The following DPP10 variants were observed in gnomAD, a reference collection of about 807,000 sequenced individuals.
The protein encoded by DPP10 is dipeptidyl peptidase like 10.
A neutral mutation model predicts 120.9 loss-of-function variants in DPP10; 33 were observed. The ratio of observed to expected loss-of-function variants is 0.27; its 90% CI spans 0.21 to 0.37. DPP10 has a LOEUF of 0.37. Ranked by LOEUF, DPP10 falls within the 10% of genes least tolerant of loss-of-function variation. DPP10 has a pLI of 1.00. For missense variants in DPP10, 816 were observed against 942.8 expected, an observed-to-expected ratio of 0.87 and a Z score of 1.76; for synonymous variants, 337 against 326.1, an observed-to-expected ratio of 1.03 and a Z score of -0.36.
intron 2 of DPP10, among the ~76,000 whole-genome samples, chr2:115,314,225 A>C (rs2061693527): frequency 6.6e-6 from 1 of 152,198 alleles, no homozygotes; most frequent in Non-Finnish European, 1.5e-5. Flanking sequence ...TGCCATACTG[A>C]AATAGCCACC....
intron 1 of DPP10, among the ~76,000 whole-genome samples, chr2:114,582,117 T>TC (rs1690576005): frequency 6.6e-6 from 1 of 152,200 alleles, no homozygotes; most frequent in Non-Finnish European, 1.5e-5. Flanking sequence ...TGCCTATTTA[T>TC]CCCTCCTTAC....
intron 7 of DPP10, among the ~76,000 whole-genome samples, chr2:115,721,445 T>G (rs1410095505): frequency 1.3e-5 from 2 of 152,154 alleles, no homozygotes; most frequent in African/African-American, 4.8e-5. Context: ...ATCACAAAAA[T>G]TAATGTTGGT....
chr2:114,986,580 C>A (rs1201723212), intron 1 of DPP10, among the ~76,000 whole-genome samples: 1 of 151,984 alleles, frequency 6.6e-6, no homozygotes, highest in Non-Finnish European at 1.5e-5. Context: ...ATCTGAAGGT[C>A]CATTTATTTA....
intron 7 of DPP10, among the ~76,000 whole-genome samples, chr2:115,715,169 G>A (rs2092450059): frequency 6.6e-6 from 1 of 151,410 alleles, no homozygotes; most frequent in Non-Finnish European, 1.5e-5. Context: ...GAGAAACTCT[G>A]TCTCTACTAA....
intron 19 of DPP10, among the ~76,000 whole-genome samples, chr2:115,794,746 A>G (rs77594268): frequency 3.3e-5 from 5 of 152,152 alleles, no homozygotes; most frequent in Admixed American, 6.6e-5. Flanking sequence ...CATTATAGGG[A>G]GCCCTTAAGG....
chr2:114,563,156 A>G (rs1835330), intron 1 of DPP10, among the ~76,000 whole-genome samples: 45,446 of 152,080 alleles, frequency 0.3, 8,499 homozygotes, highest in African/African-American at 0.54. Flanking sequence ...GGCGGATCAT[A>G]AGGTCAAGAG....
intron 6 of DPP10, 47 bp from the exon 7 acceptor site, chr2:115,689,793 G>A (rs572778808): frequency 1.2e-6 from 2 of 1,609,990 alleles, no homozygotes; most frequent in Non-Finnish European, 8.5e-7. Context: ...TAAATTGTTG[G>A]TGTAGATATC....
At chr2:114,802,030 T>A (rs1684298026) in intron 1 of DPP10, among the ~76,000 whole-genome samples, 1 of 152,256 alleles carries the variant, frequency 6.6e-6, no homozygotes, top group Non-Finnish European at 1.5e-5. Context: ...ATTATTAATA[T>A]GGCATTAGAC....
At chr2:115,716,388 G>A (rs2092494317) in intron 7 of DPP10, among the ~76,000 whole-genome samples, 1 of 152,192 alleles carries the variant, frequency 6.6e-6, no homozygotes, top group African/African-American at 2.4e-5. Context: ...TAGGTAGTAT[G>A]TAGTTGTATC....
chr2:114,979,492 T>C (rs958576601), intron 1 of DPP10, among the ~76,000 whole-genome samples: 4 of 151,998 alleles, frequency 2.6e-5, no homozygotes, highest in Non-Finnish European at 5.9e-5. Flanking sequence ...TTGTACTCAG[T>C]TATCTTAAAT....
At chr2:115,468,795 C>T (rs575484009) in intron 3 of DPP10, 6 of 459,714 alleles carry the variant, frequency 1.3e-5, no homozygotes, top group East Asian at 1.1e-4. Context: ...GCAGACTGGT[C>T]TCAAGGTGTG....
chr2:114,802,629 A>G (rs1264517175), intron 1 of DPP10, among the ~76,000 whole-genome samples: 1 of 152,156 alleles, frequency 6.6e-6, no homozygotes. Flanking sequence ...TTTTAGATCA[A>G]CGAGCTCTCA....
chr2:114,982,137 C>T (rs1445039986), intron 1 of DPP10, among the ~76,000 whole-genome samples: 1 of 151,946 alleles, frequency 6.6e-6, no homozygotes, highest in Non-Finnish European at 1.5e-5. Flanking sequence ...CTCAAGTGAT[C>T]CTGTTCTGTC....
At chr2:115,325,125 G>A (rs2062283274) in intron 2 of DPP10, among the ~76,000 whole-genome samples, 1 of 152,092 alleles carries the variant, frequency 6.6e-6, no homozygotes, top group East Asian at 1.9e-4. Context: ...TTGACACAGA[G>A]ACATGAAGTG....
intron 1 of DPP10, among the ~76,000 whole-genome samples, chr2:114,985,033 A>G (rs1027097386): frequency 6.6e-6 from 1 of 152,210 alleles, no homozygotes; most frequent in Non-Finnish European, 1.5e-5. Flanking sequence ...AAAGATTGAT[A>G]TATTCCCATA....
At chr2:114,477,414 CAT>C (rs928123827) in intron 1 of DPP10, among the ~76,000 whole-genome samples, 3 of 151,908 alleles carry the variant, frequency 2.0e-5, no homozygotes, top group Non-Finnish European at 4.4e-5. Flanking sequence ...TATACACACA[CAT>C]ATATACACAT....
At chr2:115,375,396 T>C (rs1481934322) in intron 3 of DPP10, among the ~76,000 whole-genome samples, 1 of 152,208 alleles carries the variant, frequency 6.6e-6, no homozygotes, top group Non-Finnish European at 1.5e-5. Context: ...GACCTCAGCC[T>C]GGAATTCATT....
chr2:114,768,126 T>G (rs1574142225), intron 1 of DPP10, among the ~76,000 whole-genome samples: 1 of 90,204 alleles, frequency 1.1e-5, no homozygotes, highest in African/African-American at 4.7e-5. Context: ...AGGCTCTGTC[T>G]CAAAAAAAAA....
In DPP10 at chr2:115,753,306, A is replaced by G; in HGVS notation, c.1074+9A>G. On this transcript the variant is annotated intron_variant, in intron 11 of 25. Coordinates refer to ENST00000410059, the MANE Select transcript of DPP10 (RefSeq NM_020868.6). ...CAGGTGCTTGTAGTAAAGTGAGTAT[A>G]ATTTATTTTTCTTTTATGCCTAAAA... 1 of 1,590,266 alleles carries G rather than the reference A, an allele frequency of 6.3e-7. No homozygotes were observed. The highest frequency in any genetic ancestry group is 8.6e-7 in the Non-Finnish European group (1 of 1,167,740).
Sources: gnomAD v4.1 joint callset for allele counts (sites outside exome capture counted in the v4.1 genomes callset) on GRCh38, gnomAD v4.1.1 for gene constraint, MANE v1.5 for transcripts, NCBI Gene and HGNC (gene_info 2026-07-23, HGNC 2026-07-21) for gene names.